The following SFMBT2 variants were observed in gnomAD, a reference collection of about 807,000 sequenced individuals.
SFMBT2 encodes the protein Scm like with four mbt domains 2.
In SFMBT2, 38 loss-of-function variants were observed where a neutral mutation model predicts 110.1. That is an observed-to-expected ratio of 0.35 (90% CI 0.27 to 0.45). The LOEUF is 0.45. Among genes scored for constraint, SFMBT2 ranks in the 20% least tolerant of loss-of-function variants. The pLI is 1.00. For synonymous variants in SFMBT2, 425 were observed against 425.4 expected, an observed-to-expected ratio of 1.00 and a Z score of 0.01; for missense variants, 1,011 against 1,094.9, an observed-to-expected ratio of 0.92 and a Z score of 1.08.
chr10:7,233,175 T>C (rs1840158088), intron 9 of SFMBT2, among the ~76,000 whole-genome samples: 1 of 152,186 alleles, frequency 6.6e-6, no homozygotes, highest in African/African-American at 2.4e-5. Flanking sequence ...GCTGGCAGAA[T>C]GAAAAACAAC....
chr10:7,219,364 T>A (rs1232799276), intron 11 of SFMBT2, among the ~76,000 whole-genome samples: 1 of 152,238 alleles, frequency 6.6e-6, no homozygotes, highest in East Asian at 1.9e-4. Context: ...ACCCTAAACT[T>A]CAGTAACGTT....
At chr10:7,391,348 C>T (rs768837831) in intron 1 of SFMBT2, among the ~76,000 whole-genome samples, 112 of 151,934 alleles carry the variant, frequency 7.4e-4, no homozygotes, top group Admixed American at 1.4e-3. Flanking sequence ...TGCGTATAAT[C>T]CCAGCTACTC....
At chr10:7,387,066 T>C (rs1215117088) in intron 1 of SFMBT2, among the ~76,000 whole-genome samples, 1 of 152,142 alleles carries the variant, frequency 6.6e-6, no homozygotes, top group Non-Finnish European at 1.5e-5. Flanking sequence ...ACTTAAATCA[T>C]CGATTTTTAA....
At position 7,218,112 on chromosome 10, in the gene SFMBT2, C is replaced by T. The variant is rs533702200; in HGVS notation, c.1330+2299G>A. Among the ~76,000 whole-genome samples, 46 of 152,118 alleles carry T rather than the reference C, an allele frequency of 3.0e-4. No homozygotes were observed. In the South Asian group the frequency reaches 3.1e-3, roughly 10 times the overall value. On this transcript the variant is annotated intron_variant, in intron 11 of 20. Coordinates refer to ENST00000397167, the MANE Select transcript of SFMBT2 (RefSeq NM_001387889.1). ...AAACACTTCAAATCAATTTAATGCACGAAAATAACTAATAAAATTGTTACA... is the reference window on the plus strand; with the variant it reads ...AAACACTTCAAATCAATTTAATGCATGAAAATAACTAATAAAATTGTTACA...
At chr10:7,215,835 A>G in intron 11 of SFMBT2, 1 of 598,550 alleles carries the variant, frequency 1.7e-6, no homozygotes, top group Non-Finnish European at 2.1e-6. Context: ...CACAGTAGAC[A>G]AACTCGCTAG....
chr10:7,275,906 G>A (rs1209605172), intron 7 of SFMBT2, among the ~76,000 whole-genome samples: 2 of 152,162 alleles, frequency 1.3e-5, no homozygotes, highest in African/African-American at 2.4e-5. Context: ...AAACTTGTAC[G>A]ACTCTGCAGA....
At chr10:7,233,292 G>C (rs1438014799) in intron 9 of SFMBT2, among the ~76,000 whole-genome samples, 1 of 152,146 alleles carries the variant, frequency 6.6e-6, no homozygotes, top group Non-Finnish European at 1.5e-5. Flanking sequence ...TTGGTAACGT[G>C]TCAAAATCCT....
At chr10:7,370,207 C>T (rs1460918688) in intron 3 of SFMBT2, 74 bp downstream of exon 3, 1 of 1,354,526 alleles carries the variant, frequency 7.4e-7, no homozygotes, top group Non-Finnish European at 1.1e-6. Flanking sequence ...CCATTGAGTT[C>T]TCCGGCTTCT....
chr10:7,388,229 GTT>G (rs79691695), intron 1 of SFMBT2, among the ~76,000 whole-genome samples: 1 of 142,674 alleles, frequency 7.0e-6, no homozygotes, highest in African/African-American at 2.6e-5. Flanking sequence ...AGCCAATGGA[GTT>G]TTTTTTTTTT....
intron 6 of SFMBT2, among the ~76,000 whole-genome samples, chr10:7,278,380 G>T (rs1017512478): frequency 2.0e-5 from 3 of 152,180 alleles, no homozygotes; most frequent in Non-Finnish European, 4.4e-5. Context: ...CCATGAGAGC[G>T]AGAGGGATAC....
Position 7,188,673 on chromosome 10 carries a change from G to T in SFMBT2, c.1759C>A (p.Leu587Met). Residue 587 changes from leucine (L) to methionine (M), a missense_variant, in exon 16 of 21, where the codon CTG becomes ATG. By Grantham distance (15) the Leu-to-Met change is conservative. Coordinates refer to ENST00000397167, the MANE Select transcript of SFMBT2 (RefSeq NM_001387889.1). ...AAATTCCAGTGGGGATCTTCTACCA[G>T]CTGTAATTCTCTTAATACCCTTCCA... ...KPGRVLRELQ[L>M]VEDPHWNFQE... 6.2e-7 allele frequency: 1 copy of T among 1,613,758 alleles called. No homozygotes were observed. Among genetic ancestry groups the T allele is most frequent in the Non-Finnish European group, 8.5e-7 (1 of 1,179,826 alleles).
chr10:7,385,327 T>C (rs1845562852), intron 1 of SFMBT2, among the ~76,000 whole-genome samples: 1 of 152,080 alleles, frequency 6.6e-6, no homozygotes, highest in Non-Finnish European at 1.5e-5. Flanking sequence ...AAGCCACAGG[T>C]GGCATGGGCT....
At chr10:7,229,720 T>A (rs1480899265) in intron 9 of SFMBT2, among the ~76,000 whole-genome samples, 2 of 128,210 alleles carry the variant, frequency 1.6e-5, no homozygotes, top group Non-Finnish European at 3.4e-5. Context: ...TATTTTTTGT[T>A]GTTGTTGTTT....
intron 4 of SFMBT2, among the ~76,000 whole-genome samples, chr10:7,350,881 T>C (rs1396502425): frequency 6.6e-6 from 1 of 152,232 alleles, no homozygotes; most frequent in Non-Finnish European, 1.5e-5. Context: ...TATTCTGCTT[T>C]ACTATGCAAT....
intron 7 of SFMBT2, among the ~76,000 whole-genome samples, chr10:7,251,561 T>C (rs542414785): frequency 6.6e-6 from 1 of 152,294 alleles, no homozygotes; most frequent in African/African-American, 2.4e-5. Context: ...CAGGTAAATA[T>C]CCTTCCCCAT....
Position 7,171,917 on chromosome 10 carries a change from G to C in SFMBT2, c.2393C>G (p.Pro798Arg), listed in dbSNP as rs762958255. The C allele has an allele frequency of 1.4e-6, 2 of 1,437,606 alleles. No homozygotes were observed. The highest frequency in any genetic ancestry group is 2.9e-5 in the South Asian group (2 of 68,380). The allele number at this position is 1,437,606 out of a possible 1,614,324, so 89.1% of individuals were successfully genotyped here. A position where few individuals can be genotyped will look rare whatever the true frequency, so the allele number is the denominator to read the frequency against. Residue 798 changes from proline to arginine, a missense_variant, in exon 19 of 21, where the codon CCG becomes CGG. This residue lies in a region of SFMBT2 where 979 missense variants were observed against 1,016.1 expected (regional missense o/e 0.96). Coordinates refer to ENST00000397167, the MANE Select transcript of SFMBT2 (RefSeq NM_001387889.1). The surrounding 1 kb of genome is among the most constrained non-coding windows in gnomAD (Gnocchi z 4.9). ...SSAEEGEKCP[P>R]TKPEGTEDTK... is the part of the protein sequence containing the mutation. ...CACCTCTGTCCCCTCGGGCTTGGTC[G>C]GCGGGCACTTCTCCCCTTCCTCTGC...
At chr10:7,226,769 G>A (rs574344478) in intron 10 of SFMBT2, among the ~76,000 whole-genome samples, 4 of 152,246 alleles carry the variant, frequency 2.6e-5, no homozygotes, top group East Asian at 1.9e-4. Context: ...GATGAAATGC[G>A]TATACAATGG....
chr10:7,342,014 GA>G (rs1403860049), intron 4 of SFMBT2, among the ~76,000 whole-genome samples: 1 of 151,662 alleles, frequency 6.6e-6, no homozygotes, highest in Non-Finnish European at 1.5e-5. Context: ...GAAGAGTTGA[GA>G]AGTTGAAGAC....
chr10:7,367,585 C>A lies in SFMBT2; in HGVS notation c.436+64G>T, dbSNP rs922880134. ...TACGCAAGGTTCTCTCTGCTCCTTG[C>A]AAAATTACAGGCGTCATGAAGGATG... On this transcript the variant is annotated intron_variant, in intron 4 of 20. Coordinates refer to ENST00000397167, the MANE Select transcript of SFMBT2 (RefSeq NM_001387889.1). The surrounding 1 kb of genome is among the most constrained non-coding windows in gnomAD (Gnocchi z 6.2). 2 of 1,564,454 alleles carry A rather than the reference C, an allele frequency of 1.3e-6. No homozygotes were observed. The highest frequency in any genetic ancestry group is 8.6e-7 in the Non-Finnish European group (1 of 1,157,242).
Sources: gnomAD v4.1 joint callset for allele counts (sites outside exome capture counted in the v4.1 genomes callset) on GRCh38, gnomAD v4.1.1 for gene constraint, gnomAD v4.1.1 regional missense constraint, Gnocchi (gnomAD v3.1) non-coding constraint, MANE v1.5 for transcripts, NCBI Gene and HGNC (gene_info 2026-07-23, HGNC 2026-07-21) for gene names.